PID1: variants seen among roughly 807,000 people sequenced by gnomAD.
The protein encoded by PID1 is phosphotyrosine interaction domain containing 1, also known as PTB-containing, cubilin and LRP1-interacting protein.
A neutral mutation model predicts 19.1 loss-of-function variants in PID1; 10 were observed. That is an observed-to-expected ratio of 0.52 (90% CI 0.32 to 0.89). The LOEUF (loss-of-function observed/expected upper bound fraction) is 0.89, where lower values mean the gene tolerates loss of function less well. PID1 is among the 40% of genes least tolerant of loss of function. The pLI is 0.03. For missense variants in PID1, 248 were observed against 285.3 expected, an observed-to-expected ratio of 0.87 and a Z score of 0.94; for synonymous variants, 130 against 116.0, an observed-to-expected ratio of 1.12 and a Z score of -0.78.
chr2:229,086,858 C>T (rs768215127), intron 2 of PID1, among the ~76,000 whole-genome samples: 1 of 151,820 alleles, frequency 6.6e-6, no homozygotes, highest in Non-Finnish European at 1.5e-5. Flanking sequence ...CATCCGCATG[C>T]ACATAATATT....
At chr2:229,180,117 C>A (rs886848158) in intron 1 of PID1, among the ~76,000 whole-genome samples, 1 of 152,162 alleles carries the variant, frequency 6.6e-6, no homozygotes, top group African/African-American at 2.4e-5. Flanking sequence ...TCTTTTAAAC[C>A]TCTGCTTGAT....
intron 1 of PID1, among the ~76,000 whole-genome samples, chr2:229,254,646 C>A (rs773225603): frequency 6.6e-6 from 1 of 152,210 alleles, no homozygotes; most frequent in Non-Finnish European, 1.5e-5. Context: ...TCAGGCACAA[C>A]TAAATTCCTC....
chr2:229,052,299 C>T (rs1446106937), intron 2 of PID1, among the ~76,000 whole-genome samples: 2 of 151,972 alleles, frequency 1.3e-5, no homozygotes, highest in African/African-American at 2.4e-5. Context: ...AAAAAAAAAT[C>T]CCATAGAATA....
chr2:229,080,507 C>CT (rs1694648807), intron 2 of PID1, among the ~76,000 whole-genome samples: 1 of 152,180 alleles, frequency 6.6e-6, no homozygotes, highest in African/African-American at 2.4e-5. Flanking sequence ...ACCTCCTAGC[C>CT]TTTTCCTAAC....
intron 1 of PID1, among the ~76,000 whole-genome samples, chr2:229,223,574 A>G (rs911594770): frequency 1.3e-5 from 2 of 152,210 alleles, no homozygotes; most frequent in African/African-American, 4.8e-5. Context: ...ACTGTATTCT[A>G]ACAGTCAGGA....
At chr2:229,153,097 C>T (rs1281714387) in intron 2 of PID1, among the ~76,000 whole-genome samples, 1 of 152,018 alleles carries the variant, frequency 6.6e-6, no homozygotes, top group Non-Finnish European at 1.5e-5. Flanking sequence ...TGAAGATGAT[C>T]AGAAAAAATT....
intron 2 of PID1, among the ~76,000 whole-genome samples, chr2:229,139,674 C>T (rs949313376): frequency 2.6e-5 from 4 of 152,106 alleles, no homozygotes; most frequent in African/African-American, 9.7e-5. Flanking sequence ...TAACTGGCTG[C>T]TAGTTGTCAA....
intron 2 of PID1, among the ~76,000 whole-genome samples, chr2:229,093,105 T>C (rs35368264): frequency 0.21 from 32,192 of 151,076 alleles, 4,314 homozygotes; most frequent in East Asian, 0.47. Context: ...TCCCTCCCCT[T>C]TTCTGGTCTG....
At chr2:229,203,390 T>C (rs1691539734) in intron 1 of PID1, among the ~76,000 whole-genome samples, 1 of 152,092 alleles carries the variant, frequency 6.6e-6, no homozygotes, top group Admixed American at 6.6e-5. Context: ...ACTGCAACTT[T>C]AAGCGAAACA....
chr2:229,267,695 A>T (rs1690627535), intron 1 of PID1, among the ~76,000 whole-genome samples: 1 of 152,186 alleles, frequency 6.6e-6, no homozygotes, highest in Admixed American at 6.5e-5. Context: ...GATGGGACAC[A>T]GTCTTGCATG....
chr2:229,100,492 C>A (rs1029707691), intron 2 of PID1, among the ~76,000 whole-genome samples: 2 of 152,112 alleles, frequency 1.3e-5, no homozygotes, highest in South Asian at 4.1e-4. Flanking sequence ...TTACCTAGAA[C>A]AATGGTGAAA....
At chr2:229,181,085 T>A (rs1181448296) in intron 1 of PID1, among the ~76,000 whole-genome samples, 2 of 152,188 alleles carry the variant, frequency 1.3e-5, no homozygotes, top group Non-Finnish European at 2.9e-5. Flanking sequence ...AAGTCTCTCG[T>A]TCCACCTAAC....
At chr2:229,127,191 A>T (rs1457684338) in intron 2 of PID1, among the ~76,000 whole-genome samples, 6 of 152,192 alleles carry the variant, frequency 3.9e-5, no homozygotes, top group African/African-American at 1.4e-4. Context: ...GTCCAGGAGG[A>T]AAGGGGAAAG....
At chr2:229,135,289 G>A (rs78331250) in intron 2 of PID1, among the ~76,000 whole-genome samples, 2,005 of 152,206 alleles carry the variant, frequency 0.013, 43 homozygotes, top group African/African-American at 0.046. Flanking sequence ...TCAAGTTATC[G>A]TCTTTCAATT....
At chr2:229,054,725 G>GT (rs1694063969) in intron 2 of PID1, among the ~76,000 whole-genome samples, 4 of 115,538 alleles carry the variant, frequency 3.5e-5, no homozygotes, top group African/African-American at 1.4e-4. Context: ...TGTGTGGGGG[G>GT]GGGGGGGGGT....
chr2:229,180,658 A>G (rs1490631639), intron 1 of PID1, among the ~76,000 whole-genome samples: 1 of 152,192 alleles, frequency 6.6e-6, no homozygotes, highest in Non-Finnish European at 1.5e-5. Context: ...ATTCCATCAC[A>G]GGCTTTTAAA....
chr2:229,049,222 G>A (rs1693942625), intron 2 of PID1, among the ~76,000 whole-genome samples: 1 of 151,980 alleles, frequency 6.6e-6, no homozygotes, highest in South Asian at 2.1e-4. Context: ...TAATTTGACA[G>A]ATGAAAAATG....
chr2:229,086,486 C>T (rs1464620433), intron 2 of PID1, among the ~76,000 whole-genome samples: 1 of 152,136 alleles, frequency 6.6e-6, no homozygotes, highest in Non-Finnish European at 1.5e-5. Context: ...GCTTTTGCAT[C>T]ACCATAAAGT....
intron 1 of PID1, among the ~76,000 whole-genome samples, chr2:229,172,767 T>C (rs1421912891): frequency 1.3e-5 from 2 of 152,186 alleles, no homozygotes; most frequent in Non-Finnish European, 1.5e-5. Context: ...GTTTCACTCT[T>C]GTTGCCCAGA....
Sources: gnomAD v4.1 joint callset for allele counts (sites outside exome capture counted in the v4.1 genomes callset) on GRCh38, gnomAD v4.1.1 for gene constraint, MANE v1.5 for transcripts, NCBI Gene and HGNC (gene_info 2026-07-23, HGNC 2026-07-21) for gene names.